The following SUGCT variants were observed in gnomAD, a reference collection of about 807,000 sequenced individuals.
SUGCT encodes succinyl-CoA:glutarate-CoA transferase.
SUGCT carries 41 observed loss-of-function variants against 55.0 expected under a neutral mutation model. The ratio of observed to expected loss-of-function variants is 0.74; its 90% CI spans 0.58 to 0.97. The LOEUF is 0.97. Ranked by LOEUF, SUGCT falls within the 50% of genes least tolerant of loss-of-function variation. The probability of loss-of-function intolerance (pLI) is 0.00; values close to 1 mark genes in which losing one functional copy is unlikely to be tolerated. For missense variants in SUGCT, 568 were observed against 547.8 expected (o/e 1.04, Z -0.37); for synonymous variants, 187 against 200.4 (o/e 0.93, Z 0.56).
chr7:40,295,082 A>G (rs1053570684), intron 8 of SUGCT, among the ~76,000 whole-genome samples: 1 of 152,222 alleles, frequency 6.6e-6, no homozygotes, highest in Non-Finnish European at 1.5e-5. Context: ...CTTATCTTTC[A>G]GTGTTTCTTC....
chr7:40,261,843 A>G (rs1791241787), intron 7 of SUGCT, among the ~76,000 whole-genome samples: 2 of 152,230 alleles, frequency 1.3e-5, no homozygotes, highest in African/African-American at 4.8e-5. Flanking sequence ...CCTCTGATCC[A>G]TCAGTGCAGA....
intron 12 of SUGCT, among the ~76,000 whole-genome samples, chr7:40,738,562 G>T (rs1301444206): frequency 6.6e-6 from 1 of 152,190 alleles, no homozygotes; most frequent in Non-Finnish European, 1.5e-5. Flanking sequence ...AGTAATGTTA[G>T]ATGCTACCGA....
intron 9 of SUGCT, among the ~76,000 whole-genome samples, chr7:40,431,001 C>T (rs557545776): frequency 6.6e-6 from 1 of 151,868 alleles, no homozygotes; most frequent in South Asian, 2.1e-4. Flanking sequence ...GCCCGTAATC[C>T]CAGCTACACA....
intron 10 of SUGCT, among the ~76,000 whole-genome samples, chr7:40,452,132 A>C (rs932012330): frequency 3.9e-5 from 6 of 152,216 alleles, no homozygotes; most frequent in African/African-American, 1.4e-4. Context: ...TTTCACTGTA[A>C]GGAGTTGGAG....
intron 12 of SUGCT, 76 bp downstream of exon 12, chr7:40,496,462 C>T (rs1344286161): frequency 6.1e-6 from 6 of 981,102 alleles, no homozygotes; most frequent in East Asian, 2.6e-5. Flanking sequence ...TGCCATTGAT[C>T]GCAAGCTTAA....
Position 40,407,733 on chromosome 7 carries a change from C to A in SUGCT, c.817-41554C>A, listed in dbSNP as rs548732171. On this transcript the variant is annotated intron_variant, in intron 9 of 13. Coordinates refer to ENST00000335693, the MANE Select transcript of SUGCT (RefSeq NM_001193313.2). ...TTAGGAATGAATTAAGAGTCCCCCC[C>A]TCCCCCAATTTACGAATTGGCAACA... Among the ~76,000 whole-genome samples, 10 of 152,094 alleles carry A rather than the reference C, an allele frequency of 6.6e-5. No homozygotes were observed. In the South Asian group the frequency reaches 1.9e-3, roughly 28 times the overall value.
chr7:40,954,205 T>G, the SUGCT span, among the ~76,000 whole-genome samples: 16,220 of 152,256 alleles, frequency 0.11, 1,124 homozygotes, highest in Non-Finnish European at 0.16. Context: ...CTCAGACTGC[T>G]GTGCTAGCAA....
intron 12 of SUGCT, among the ~76,000 whole-genome samples, chr7:40,503,141 C>A (rs1277715370): frequency 2.0e-5 from 3 of 151,860 alleles, no homozygotes; most frequent in African/African-American, 7.2e-5. Context: ...AAGAAAAATC[C>A]GAGGCCTAGA....
At chr7:40,929,005 A>C in the SUGCT span, among the ~76,000 whole-genome samples, 4 of 152,100 alleles carry the variant, frequency 2.6e-5, no homozygotes, top group Non-Finnish European at 5.9e-5. Flanking sequence ...ACATAGGTAT[A>C]CATGTGCCAT....
At chr7:40,280,582 C>G (rs889414049) in intron 8 of SUGCT, among the ~76,000 whole-genome samples, 26 of 152,128 alleles carry the variant, frequency 1.7e-4, no homozygotes, top group Admixed American at 1.5e-3. Context: ...TTTACTCACA[C>G]ATGTACATTG....
intron 1 of SUGCT, among the ~76,000 whole-genome samples, chr7:40,142,466 A>T (rs967423090): frequency 1.3e-5 from 2 of 152,218 alleles, no homozygotes; most frequent in African/African-American, 4.8e-5. Flanking sequence ...GAGAATAGTT[A>T]AGGGAGGTTT....
the SUGCT span, among the ~76,000 whole-genome samples, chr7:40,888,514 G>T: frequency 0.5 from 75,249 of 151,798 alleles, 19,098 homozygotes; most frequent in East Asian, 0.64. Context: ...CCAGCAGTGT[G>T]TTTGAAAAAT....
chr7:40,853,584 C>T (rs762617871), intron 13 of SUGCT, among the ~76,000 whole-genome samples: 5 of 152,218 alleles, frequency 3.3e-5, no homozygotes, highest in South Asian at 2.1e-4. Flanking sequence ...AGGCTGGTCT[C>T]GAACTCCTGA....
At chr7:41,025,906 T>A in the SUGCT span, among the ~76,000 whole-genome samples, 2 of 152,172 alleles carry the variant, frequency 1.3e-5, no homozygotes, top group Non-Finnish European at 2.9e-5. Context: ...GTGCAGCTGA[T>A]CTCAGGAACT....
intron 12 of SUGCT, among the ~76,000 whole-genome samples, chr7:40,689,497 C>T (rs1204084112): frequency 2.0e-5 from 3 of 152,096 alleles, no homozygotes; most frequent in African/African-American, 7.2e-5. Flanking sequence ...GAACATAATC[C>T]TCTCAGATTT....
intron 12 of SUGCT, among the ~76,000 whole-genome samples, chr7:40,644,862 G>A (rs577169716): frequency 3.3e-5 from 5 of 152,092 alleles, no homozygotes; most frequent in Admixed American, 6.6e-5. Context: ...GTTGCTTTGC[G>A]AGCCCAGCCT....
At chr7:40,324,261 A>ATATATATATATATATATTTATATATT (rs377215730) in intron 9 of SUGCT, among the ~76,000 whole-genome samples, 1 of 99,980 alleles carries the variant, frequency 1.0e-5, no homozygotes, top group Non-Finnish European at 2.0e-5. Flanking sequence ...AAATATATAT[A>ATATATATATATATATATTTATATATT]TATTTATTTT....
At chr7:41,030,242 G>C in the SUGCT span, among the ~76,000 whole-genome samples, 4 of 150,928 alleles carry the variant, frequency 2.7e-5, no homozygotes, top group Non-Finnish European at 5.9e-5. Context: ...TTTTCCAGAG[G>C]CTTTTTTTTT....
At chr7:40,610,917 G>A (rs948554115) in intron 12 of SUGCT, among the ~76,000 whole-genome samples, 2 of 152,154 alleles carry the variant, frequency 1.3e-5, no homozygotes, top group African/African-American at 4.8e-5. Context: ...GCAACTGAAT[G>A]TGTGTCAGAA....
Sources: allele counts gnomAD v4.1 joint callset (sites outside exome capture counted in the v4.1 genomes callset), GRCh38; gene constraint gnomAD v4.1.1; transcripts MANE v1.5; gene names NCBI Gene and HGNC (gene_info 2026-07-23, HGNC 2026-07-21).